SEPTIN14: variants seen among roughly 807,000 people sequenced by gnomAD.
SEPTIN14 encodes the protein septin-14.
In SEPTIN14, 40 loss-of-function variants were observed where a neutral mutation model predicts 53.6. The ratio of observed to expected loss-of-function variants is 0.75; its 90% CI spans 0.58 to 0.97. SEPTIN14 has a LOEUF of 0.97. Among genes scored for constraint, SEPTIN14 ranks in the 50% least tolerant of loss-of-function variants. SEPTIN14 has a pLI of 0.00. For missense variants in SEPTIN14, 471 were observed against 508.2 expected, an observed-to-expected ratio of 0.93 and a Z score of 0.70; for synonymous variants, 138 against 166.8, an observed-to-expected ratio of 0.83 and a Z score of 1.33.
intron 5 of SEPTIN14, among the ~76,000 whole-genome samples, chr7:55,841,119 G>A (rs1789304621): frequency 1.3e-5 from 2 of 152,080 alleles, no homozygotes; most frequent in African/African-American, 4.8e-5. Flanking sequence ...ATATTGGCCA[G>A]GCTGGTCTTG....
chr7:55,795,700 T>G lies in SEPTIN14; in HGVS notation c.*213A>C, dbSNP rs1788419767. 1.9e-6 allele frequency: 1 copy of G among 537,104 alleles called. No individual in the cohort carries two copies. Among genetic ancestry groups the G allele is most frequent in the Admixed American group, 3.3e-5 (1 of 30,342 alleles). The allele number at this position is 537,104 out of a possible 1,614,324, so 33.3% of individuals were successfully genotyped here. On this transcript the variant is annotated 3_prime_UTR_variant, in exon 10 of 10. Coordinates refer to ENST00000388975, the MANE Select transcript of SEPTIN14 (RefSeq NM_207366.3). Reference sequence around the variant, plus strand: ...TCAGGCTGGTTTTGAACTCCTGACCTCAGGTGGTCCACCCGCCTCAGCCTC... The same window carrying G: ...TCAGGCTGGTTTTGAACTCCTGACCGCAGGTGGTCCACCCGCCTCAGCCTC...
At chr7:55,846,177 C>A (rs1754392335) in intron 3 of SEPTIN14, among the ~76,000 whole-genome samples, 1 of 144,712 alleles carries the variant, frequency 6.9e-6, no homozygotes, top group Non-Finnish European at 1.5e-5. Context: ...CTTTTAAGAG[C>A]ACAGGAATGT....
chr7:55,799,666 T>C (rs1306817912), intron 9 of SEPTIN14, among the ~76,000 whole-genome samples: 1 of 151,678 alleles, frequency 6.6e-6, no homozygotes, highest in East Asian at 1.9e-4. Flanking sequence ...TATATAATAA[T>C]AAAGAAATCA....
intron 2 of SEPTIN14, among the ~76,000 whole-genome samples, chr7:55,852,790 C>T (rs190883765): frequency 5.7e-4 from 86 of 152,154 alleles, no homozygotes; most frequent in East Asian, 2.3e-3. Flanking sequence ...AACTATCCCC[C>T]GATAAGGGAT....
intron 5 of SEPTIN14, among the ~76,000 whole-genome samples, chr7:55,835,364 G>C (rs1329166926): frequency 6.6e-6 from 1 of 151,318 alleles, no homozygotes; most frequent in East Asian, 2.0e-4. Flanking sequence ...CACCATGCCC[G>C]GCTACTTTTT....
chr7:55,860,005 C>T (rs1294215825), intron 2 of SEPTIN14, among the ~76,000 whole-genome samples: 1 of 151,920 alleles, frequency 6.6e-6, no homozygotes, highest in Non-Finnish European at 1.5e-5. Context: ...TATGTTGAAA[C>T]CCCATCTCTA....
intron 6 of SEPTIN14, among the ~76,000 whole-genome samples, chr7:55,823,316 C>T (rs555208943): frequency 6.6e-6 from 1 of 152,258 alleles, no homozygotes; most frequent in Admixed American, 6.5e-5. Flanking sequence ...CATGCACTCG[C>T]CTATTCTGAG....
At chr7:55,797,138 A>G (rs117741669) in intron 9 of SEPTIN14, among the ~76,000 whole-genome samples, 16,382 of 152,124 alleles carry the variant, frequency 0.11, 1,129 homozygotes, top group Middle Eastern at 0.25. Context: ...AAGAAAAAAA[A>G]AGAGAGAGAG....
chr7:55,795,481 TTTTG>T lies in SEPTIN14; in HGVS notation c.*428_*431del. The T allele has an allele frequency of 1.3e-5, 2 of 155,136 alleles. No individual in the cohort carries two copies. The highest frequency in any genetic ancestry group is 2.8e-5 in the Non-Finnish European group (2 of 70,682). The allele number at this position is 155,136 out of a possible 1,614,324, so 9.6% of individuals were successfully genotyped here. ...TTCATACTTTTTTTTTTTTTTTTTT[TTTTG>T]AGGCGGAGTTTTGCTCTTGTCACCC... On this transcript the variant is annotated 3_prime_UTR_variant, in exon 10 of 10. Transcript: ENST00000388975.
At chr7:55,839,424 C>T (rs961385017) in intron 5 of SEPTIN14, among the ~76,000 whole-genome samples, 2 of 150,346 alleles carry the variant, frequency 1.3e-5, no homozygotes, top group Non-Finnish European at 3.0e-5. Context: ...TTTTGAGAGA[C>T]GCAGGTAACT....
chr7:55,834,665 C>A (rs1393088268), intron 5 of SEPTIN14, 79 bp from the exon 6 acceptor site: 1 of 1,217,862 alleles, frequency 8.2e-7, no homozygotes, highest in Non-Finnish European at 1.1e-6. Context: ...TGTTTTGAGA[C>A]GGAGTCTCGC....
At chr7:55,798,330 C>G (rs946700457) in intron 9 of SEPTIN14, 8 of 305,002 alleles carry the variant, frequency 2.6e-5, no homozygotes, top group Non-Finnish European at 4.9e-5. Flanking sequence ...CCCTGAAAGC[C>G]CAGGGCCCAG....
At chr7:55,851,978 T>TA (rs1789524042) in intron 2 of SEPTIN14, among the ~76,000 whole-genome samples, 2 of 151,798 alleles carry the variant, frequency 1.3e-5, no homozygotes. Flanking sequence ...CCGTCTCTAC[T>TA]AAAAATACAA....
intron 6 of SEPTIN14, among the ~76,000 whole-genome samples, chr7:55,829,353 T>C (rs1789050367): frequency 6.8e-6 from 1 of 147,340 alleles, no homozygotes; most frequent in Admixed American, 6.9e-5. Context: ...AACCCCAGCC[T>C]GGACAACAAA....
At chr7:55,831,846 G>A (rs557272585) in intron 6 of SEPTIN14, among the ~76,000 whole-genome samples, 1 of 152,206 alleles carries the variant, frequency 6.6e-6, no homozygotes, top group Admixed American at 6.5e-5. Context: ...AGACATACAA[G>A]TGGCCACCAA....
rs1789342841 is a variant in SEPTIN14, at chr7:55,843,087, G to C, written c.413C>G (p.Ala138Gly). The C allele has an allele frequency of 6.2e-7, 1 of 1,603,872 alleles. No homozygotes were observed. Among genetic ancestry groups the C allele is most frequent in the Non-Finnish European group, 8.5e-7 (1 of 1,177,044 alleles). The change falls in exon 5 of 10, where the codon GCC becomes GGC. Residue 138 changes from alanine to glycine, a missense_variant. Transcript: ENST00000388975. Reference sequence around the variant, plus strand: ...AATCTTCAGTTCTTCTTGAAGATAGGCCTCAAATTGGGCATCTATGTAGTC... The same window carrying C: ...AATCTTCAGTTCTTCTTGAAGATAGCCCTCAAATTGGGCATCTATGTAGTC... ...IVDYIDAQFE[A>G]YLQEELKIKR...
intron 6 of SEPTIN14, among the ~76,000 whole-genome samples, chr7:55,829,975 G>T (rs1189290023): frequency 1.3e-5 from 2 of 151,732 alleles, no homozygotes; most frequent in South Asian, 4.2e-4. Context: ...TCAGGAGATC[G>T]AGACTATCCT....
intron 9 of SEPTIN14, among the ~76,000 whole-genome samples, chr7:55,800,254 C>T (rs80248497): frequency 2.0e-5 from 3 of 152,296 alleles, no homozygotes; most frequent in East Asian, 1.9e-4. Flanking sequence ...GAGGACCTCA[C>T]GTTAAGTGAA....
At chr7:55,810,414 G>C (rs2115972533) in intron 7 of SEPTIN14, among the ~76,000 whole-genome samples, 1 of 151,414 alleles carries the variant, frequency 6.6e-6, no homozygotes, top group African/African-American at 2.4e-5. Flanking sequence ...CCAATCTCTA[G>C]GTTGTATCTT....
Sources: allele counts gnomAD v4.1 joint callset (sites outside exome capture counted in the v4.1 genomes callset), GRCh38; gene constraint gnomAD v4.1.1; transcripts MANE v1.5; gene names NCBI Gene and HGNC (gene_info 2026-07-23, HGNC 2026-07-21).